The following NDRG4 variants were observed in gnomAD, a reference collection of about 807,000 sequenced individuals.
The protein encoded by NDRG4 is NDRG family member 4.
Under a neutral mutation model 55.8 loss-of-function variants are expected in NDRG4, and 38 were observed. The ratio of observed to expected loss-of-function variants is 0.68; its 90% CI spans 0.53 to 0.89. The LOEUF is 0.89. NDRG4 is among the 40% of genes least tolerant of loss of function. The probability of loss-of-function intolerance (pLI) is 0.00; values close to 1 mark genes in which losing one functional copy is unlikely to be tolerated. For synonymous variants in NDRG4, 190 were observed against 182.7 expected, an observed-to-expected ratio of 1.04 and a Z score of -0.32; for missense variants, 455 against 468.6, an observed-to-expected ratio of 0.97 and a Z score of 0.27.
chr16:58,490,710 C>T (rs925609634), intron 2 of NDRG4, among the ~76,000 whole-genome samples: 3 of 152,232 alleles, frequency 2.0e-5, no homozygotes, highest in African/African-American at 7.2e-5. Flanking sequence ...GACATGTTGG[C>T]TCACGCCTGT....
intron 1 of NDRG4, chr16:58,500,911 A>C: frequency 1.0e-6 from 1 of 999,462 alleles, no homozygotes; most frequent in Non-Finnish European, 1.3e-6. Flanking sequence ...TGGGCCACAC[A>C]GGAATGACAG....
At chr16:58,493,724 G>A (rs933806647) in intron 2 of NDRG4, among the ~76,000 whole-genome samples, 2 of 152,226 alleles carry the variant, frequency 1.3e-5, no homozygotes, top group African/African-American at 4.8e-5. Flanking sequence ...TCACAGCCTC[G>A]CAGAGCGGGG....
At chr16:58,505,725 T>C (rs1405272245) in intron 5 of NDRG4, among the ~76,000 whole-genome samples, 1 of 132,830 alleles carries the variant, frequency 7.5e-6, no homozygotes, top group Non-Finnish European at 1.6e-5. Flanking sequence ...TTTTTTTTTT[T>C]TTTTTTTTTT....
chr16:58,469,709 C>T (rs185489783), intron 1 of NDRG4, among the ~76,000 whole-genome samples: 10 of 152,330 alleles, frequency 6.6e-5, no homozygotes, highest in Admixed American at 6.5e-4. Flanking sequence ...CAGATATCCC[C>T]TTAAATAGTG....
chr16:58,473,269 C>T (rs1289494366), intron 1 of NDRG4, among the ~76,000 whole-genome samples: 1 of 152,146 alleles, frequency 6.6e-6, no homozygotes, highest in Non-Finnish European at 1.5e-5. Context: ...AAGCGATCCT[C>T]ACGCCTCAGC....
In NDRG4 at chr16:58,512,079, AGGGG is replaced by A. The variant is rs1218473973; in HGVS notation, c.*505_*508del. The A allele has an allele frequency of 8.8e-6, 4 of 456,674 alleles. No homozygotes were observed. Among genetic ancestry groups the A allele is most frequent in the Admixed American group, 2.3e-5 (1 of 42,564 alleles). 28.3% of individuals were successfully genotyped at this position (456,674 alleles called of 1,614,324 possible). A position where few individuals can be genotyped will look rare whatever the true frequency, so the allele number is the denominator to read the frequency against. ...GACAATCATCTGGACAACAGCCACAAGGGGGCGCTCGGACCAGGCAGCCACTTTC... is the reference window on the plus strand; with the variant it reads ...GACAATCATCTGGACAACAGCCACAAGCGCTCGGACCAGGCAGCCACTTTC... On this transcript the variant is annotated 3_prime_UTR_variant, in exon 15 of 15. Coordinates refer to ENST00000570248, the MANE Select transcript of NDRG4 (RefSeq NM_001242835.2).
chr16:58,490,910 G>A (rs373801410), intron 2 of NDRG4, among the ~76,000 whole-genome samples: 40 of 152,074 alleles, frequency 2.6e-4, no homozygotes, highest in Non-Finnish European at 1.3e-4. Context: ...CTGGGAGGTG[G>A]AGGTTGCAGT....
intron 1 of NDRG4, among the ~76,000 whole-genome samples, chr16:58,502,771 G>A (rs2037328014): frequency 6.6e-6 from 1 of 152,128 alleles, no homozygotes; most frequent in African/African-American, 2.4e-5. Context: ...CAACTCACTG[G>A]GCCACTCACG....
In NDRG4 at chr16:58,506,494, T is replaced by A. The variant is rs760455679; in HGVS notation, c.459+21T>A. On this transcript the variant is annotated intron_variant, in intron 6 of 14. Coordinates refer to ENST00000570248, the MANE Select transcript of NDRG4 (RefSeq NM_001242835.2). ...CCAAGGTGTGTGTGGTGACCGGGGG[T>A]GGGGTGGGTATACCTAGGGTGGGGT... is the stretch of plus-strand genomic sequence containing the variant. 8.5e-6 allele frequency: 11 copies of A among 1,287,452 alleles called. No individual in the cohort carries two copies. The East Asian group carries it at 2.8e-4, about 32-fold the overall frequency. 79.8% of individuals were successfully genotyped at this position (1,287,452 alleles called of 1,614,324 possible). A position where few individuals can be genotyped will look rare whatever the true frequency, so the allele number is the denominator to read the frequency against.
Position 58,486,700 on chromosome 16 carries a change from T to TACACACAC in NDRG4, c.-23-1013_-23-1006dup, listed in dbSNP as rs56119933. 5.2e-4 allele frequency among the ~76,000 whole-genome samples: 66 copies of TACACACAC among 128,134 alleles called. 1 individual carries two copies. The highest frequency in any genetic ancestry group is 1.6e-3 in the African/African-American group (54 of 33,288). 84.1% of individuals were successfully genotyped at this position (128,134 alleles called of 152,430 possible). On this transcript the variant is annotated intron_variant, in intron 1 of 15. Transcript: ENST00000258187. Reference sequence around the variant, plus strand: ...TCTTCCTTCCCTCACCACTGGCTCCTACACACACACACACACACACACACA... The same window carrying TACACACAC: ...TCTTCCTTCCCTCACCACTGGCTCCTACACACACACACACACACACACACACACACACA...
chr16:58,510,180 G>C (rs1253281206), intron 13 of NDRG4, among the ~76,000 whole-genome samples: 1 of 152,236 alleles, frequency 6.6e-6, no homozygotes, highest in Non-Finnish European at 1.5e-5. Flanking sequence ...GAGCAGGGCA[G>C]AGCCCTAGGG....
At chr16:58,488,047 G>A (rs886880735) in intron 2 of NDRG4, among the ~76,000 whole-genome samples, 5 of 152,168 alleles carry the variant, frequency 3.3e-5, no homozygotes, top group South Asian at 2.1e-4. Flanking sequence ...GGCTTCAGCC[G>A]TCTTTGAGGC....
chr16:58,495,502 G>T (rs1035844368), upstream of NDRG4: 1 of 156,776 alleles, frequency 6.4e-6, no homozygotes, highest in African/African-American at 2.4e-5. Flanking sequence ...CTGGGTTCTG[G>T]GGCCCCACTG....
upstream of NDRG4, chr16:58,500,024 C>A (rs892387271): frequency 4.6e-6 from 6 of 1,295,644 alleles, no homozygotes; most frequent in Non-Finnish European, 6.2e-6. Context: ...TCCCAGCAGC[C>A]AATATGGGAG....
chr16:58,469,050 G>A (rs1398451875), intron 1 of NDRG4, among the ~76,000 whole-genome samples: 1 of 152,208 alleles, frequency 6.6e-6, no homozygotes, highest in African/African-American at 2.4e-5. Flanking sequence ...TACTTGATGT[G>A]TGATTGAGAA....
At chr16:58,494,909 C>G in intron 2 of NDRG4, 1 of 1,548,978 alleles carries the variant, frequency 6.5e-7, no homozygotes, top group South Asian at 1.1e-5. Context: ...GCCCCACGGG[C>G]TCCCCAGACC....
At chr16:58,506,227 T>A in intron 5 of NDRG4, 160 bp from the exon 6 acceptor site, 1 of 722,584 alleles carries the variant, frequency 1.4e-6, no homozygotes, top group Non-Finnish European at 2.5e-6. Flanking sequence ...AAGGGTTCAG[T>A]GAGAGGAGGA....
At chr16:58,510,721 AG>A in intron 14 of NDRG4, 38 bp downstream of exon 14, 1 of 1,527,218 alleles carries the variant, frequency 6.5e-7, no homozygotes, top group Non-Finnish European at 8.8e-7. Flanking sequence ...ATGGACGCCC[AG>A]CCTCCTCCTC....
chr16:58,485,031 A>C (rs532056703), intron 1 of NDRG4, among the ~76,000 whole-genome samples: 14 of 151,602 alleles, frequency 9.2e-5, no homozygotes, highest in Admixed American at 2.6e-4. Flanking sequence ...ACAGGCACCC[A>C]CCACCATGCC....
Sources: gnomAD v4.1 joint callset for allele counts (sites outside exome capture counted in the v4.1 genomes callset) on GRCh38, gnomAD v4.1.1 for gene constraint, MANE v1.5 for transcripts, NCBI Gene and HGNC (gene_info 2026-07-23, HGNC 2026-07-21) for gene names.